NPHP4: variants seen among roughly 807,000 people sequenced by gnomAD.
NPHP4 encodes the protein nephrocystin-4.
Under a neutral mutation model 155.8 loss-of-function variants are expected in NPHP4, and 151 were observed. That is an observed-to-expected ratio of 0.97 (90% CI 0.85 to 1.11). The LOEUF (loss-of-function observed/expected upper bound fraction) is 1.11. Ranked by LOEUF, NPHP4 falls within the 50% of genes least tolerant of loss-of-function variation. The pLI is 0.00. For missense variants in NPHP4, 1,956 were observed against 1,925.7 expected (o/e 1.02, Z -0.29); for synonymous variants, 845 against 816.8 (o/e 1.03, Z -0.59).
At chr1:5,901,782 A>G (rs1420239117) in intron 16 of NPHP4, among the ~76,000 whole-genome samples, 1 of 152,214 alleles carries the variant, frequency 6.6e-6, no homozygotes, top group Non-Finnish European at 1.5e-5. Flanking sequence ...AGCAGTGGGT[A>G]CAGAGGAGCC....
At chr1:5,950,913 C>A (rs575426301) in intron 7 of NPHP4, among the ~76,000 whole-genome samples, 17 of 152,228 alleles carry the variant, frequency 1.1e-4, no homozygotes, top group Non-Finnish European at 1.8e-4. Flanking sequence ...TGCCCTCACA[C>A]GGACGACCAT....
chr1:5,949,901 G>A (rs754659989), intron 7 of NPHP4, among the ~76,000 whole-genome samples: 3 of 152,194 alleles, frequency 2.0e-5, no homozygotes, highest in South Asian at 2.1e-4. Flanking sequence ...AGGGGAAACC[G>A]GCAAAGACCA....
At position 5,867,807 on chromosome 1, in the gene NPHP4, G is replaced by A. The variant is rs538074223; in HGVS notation, c.3405C>T (p.Arg1135=). 8 of 1,613,270 alleles carry A rather than the reference G, an allele frequency of 5.0e-6. No homozygotes were observed. The East Asian group carries it at 1.8e-4, about 36-fold the overall frequency. The change falls in exon 24 of 30, where the codon CGC becomes CGT. Residue 1135 remains arginine, a synonymous_variant. Transcript: ENST00000378156. This position sits in a 1 kb window ranked among gnomAD's most constrained non-coding sequence, Gnocchi z 4.1. ...GGAAGGAGAGCTCCGGGTGATAGAA[G>A]CGGAAGACCTGGTCCACCACGTGGG... ...LQPHVVDQVF[R]FYHPELSFLK...
chr1:5,972,219 T>TA (rs1652697545), intron 3 of NPHP4, among the ~76,000 whole-genome samples: 1 of 152,256 alleles, frequency 6.6e-6, no homozygotes, highest in African/African-American at 2.4e-5. Flanking sequence ...ACTGTTTTAA[T>TA]AAGCCTTTAA....
At chr1:5,864,273 G>C (rs1186351532) in intron 28 of NPHP4, 65 bp downstream of exon 28, 17 of 1,455,956 alleles carry the variant, frequency 1.2e-5, no homozygotes, top group Non-Finnish European at 1.6e-5. Flanking sequence ...GCCGAGGTGG[G>C]GGTCCTGCAG....
In NPHP4 at chr1:5,922,086, G is replaced by T. The variant is rs1645769530; in HGVS notation, c.1441+5563C>A. Among the ~76,000 whole-genome samples, 2 of 152,264 alleles carry T rather than the reference G, an allele frequency of 1.3e-5. 1 individual carries two copies. Among genetic ancestry groups the T allele is most frequent in the Admixed American group, 1.3e-4 (2 of 15,292 alleles). Reference sequence around the variant, plus strand: ...ATAGTCTTTGTAAGTGAAAGGCAGGGAGGCAGGAGGGTCAGAGTTCAGTGA... The same window carrying T: ...ATAGTCTTTGTAAGTGAAAGGCAGGTAGGCAGGAGGGTCAGAGTTCAGTGA... On this transcript the variant is annotated intron_variant, in intron 11 of 29. Coordinates refer to ENST00000378156, the MANE Select transcript of NPHP4 (RefSeq NM_015102.5).
At position 5,890,149 on chromosome 1, in the gene NPHP4, C is replaced by T. The variant is rs965205534; in HGVS notation, c.2304+719G>A. On this transcript the variant is annotated intron_variant, in intron 17 of 29. Coordinates refer to ENST00000378156, the MANE Select transcript of NPHP4 (RefSeq NM_015102.5). This position sits in a 1 kb window ranked among gnomAD's most constrained non-coding sequence, Gnocchi z 4.9. ...GGAATCCAGGAGGAAAGCAGCTATGCGGCACTCAAGAAAAGTGGGGAAATC... is the reference window on the plus strand; with the variant it reads ...GGAATCCAGGAGGAAAGCAGCTATGTGGCACTCAAGAAAAGTGGGGAAATC... 6.6e-6 allele frequency among the ~76,000 whole-genome samples: 1 copy of T among 152,118 alleles called. No homozygotes were observed. Among genetic ancestry groups the T allele is most frequent in the African/African-American group, 2.4e-5 (1 of 41,414 alleles).
At chr1:5,893,996 A>T (rs1259671763) in intron 16 of NPHP4, among the ~76,000 whole-genome samples, 1 of 152,200 alleles carries the variant, frequency 6.6e-6, no homozygotes, top group African/African-American at 2.4e-5. Context: ...AGCGAGGATT[A>T]TTATAATATT....
chr1:5,914,843 G>T (rs1036928452), intron 11 of NPHP4, among the ~76,000 whole-genome samples: 1 of 152,144 alleles, frequency 6.6e-6, no homozygotes, highest in Non-Finnish European at 1.5e-5. Flanking sequence ...CTGGAAATGT[G>T]AACGGGGTCG....
intron 7 of NPHP4, among the ~76,000 whole-genome samples, chr1:5,951,641 G>T (rs1195192552): frequency 6.6e-6 from 1 of 152,192 alleles, no homozygotes; most frequent in Non-Finnish European, 1.5e-5. Flanking sequence ...GAAGAGCCAG[G>T]GCGGACAGAC....
At chr1:5,955,307 A>G (rs1273042259) in intron 6 of NPHP4, among the ~76,000 whole-genome samples, 7 of 152,266 alleles carry the variant, frequency 4.6e-5, no homozygotes, top group Non-Finnish European at 1.0e-4. Flanking sequence ...AACAGCCACT[A>G]TGGAAAACTA....
intron 10 of NPHP4, among the ~76,000 whole-genome samples, chr1:5,928,398 TC>T (rs1646120339): frequency 6.6e-6 from 1 of 152,268 alleles, no homozygotes; most frequent in African/African-American, 2.4e-5. Flanking sequence ...TCAAACTGTT[TC>T]TTTTTTTATT....
intron 19 of NPHP4, 101 bp from the exon 20 acceptor site, chr1:5,877,399 A>G (rs1267711557): frequency 2.3e-6 from 2 of 880,090 alleles, no homozygotes; most frequent in Non-Finnish European, 3.4e-6. Context: ...ATAGGGAGGG[A>G]GCTCAAGAGT....
At position 5,944,376 on chromosome 1, in the gene NPHP4, G is replaced by A. The variant is rs61614307; in HGVS notation, c.1119+2728C>T. Among the ~76,000 whole-genome samples the A allele has an allele frequency of 0.043, 6,542 of 152,326 alleles. 448 individuals carry two copies. Among genetic ancestry groups the A allele is most frequent in the African/African-American group, 0.15 (6,195 of 41,552 alleles). Reference sequence around the variant, plus strand: ...TGCAGACGGGGTGGCTGAGGTGGGAGGGCCCTGCCACAGCCCGCCCTGGGC... The same window carrying A: ...TGCAGACGGGGTGGCTGAGGTGGGAAGGCCCTGCCACAGCCCGCCCTGGGC... On this transcript the variant is annotated intron_variant, in intron 9 of 29. Transcript: ENST00000378156. The surrounding 1 kb of genome is among the most constrained non-coding windows in gnomAD (Gnocchi z 4.3).
intron 23 of NPHP4, 159 bp from the exon 24 acceptor site, chr1:5,868,055 G>A (rs1274627502): frequency 2.5e-6 from 2 of 814,808 alleles, no homozygotes; most frequent in Non-Finnish European, 4.2e-6. Context: ...GGCAGGGACT[G>A]AGTCTGCAGC....
chr1:5,978,415 T>TAGGAGACA lies in NPHP4; in HGVS notation c.136-10_136-3dup, dbSNP rs1216905623. The TAGGAGACA allele has an allele frequency of 6.2e-7, 1 of 1,600,086 alleles. No homozygotes were observed. Among genetic ancestry groups the TAGGAGACA allele is most frequent in the African/African-American group, 1.3e-5 (1 of 74,570 alleles). On this transcript the variant is annotated splice_region_variant and splice_polypyrimidine_tract_variant and intron_variant, in intron 2 of 29. Transcript: ENST00000378156. ...CTCTGACAGTACCTCCAGCACGCCC[T>TAGGAGACA]AGGAGACAACGGGGAATTGACCCTC... is the stretch of plus-strand genomic sequence containing the variant.
At chr1:5,920,120 T>TA (rs1162038921) in intron 11 of NPHP4, among the ~76,000 whole-genome samples, 1 of 152,106 alleles carries the variant, frequency 6.6e-6, no homozygotes, top group Non-Finnish European at 1.5e-5. Flanking sequence ...TTAGTAGAGA[T>TA]AGGGTTTCAC....
intron 10 of NPHP4, among the ~76,000 whole-genome samples, chr1:5,928,091 TG>T (rs1646102493): frequency 6.6e-6 from 1 of 152,186 alleles, no homozygotes; most frequent in Non-Finnish European, 1.5e-5. Context: ...ATTCTGGGTA[TG>T]GCTCTGTGGG....
chr1:5,863,989 G>T lies in NPHP4; in HGVS notation c.4041C>A (p.Asn1347Lys), dbSNP rs1468858756. The change falls in exon 29 of 30, where the codon AAC (asparagine) becomes AAA (lysine). Residue 1347 changes from asparagine to lysine, a missense_variant. Coordinates refer to ENST00000378156, the MANE Select transcript of NPHP4 (RefSeq NM_015102.5). Reference sequence around the variant, plus strand: ...AGGGGTTGGTGTAGGTGATCCTCTTGTTGACACCCTTCCCTTCGCCCGCAG... The same window carrying T: ...AGGGGTTGGTGTAGGTGATCCTCTTTTTGACACCCTTCCCTTCGCCCGCAG... ...MLAAGEGKGV[N>K]KRITYTNPYP... 2.5e-6 allele frequency: 4 copies of T among 1,613,676 alleles called. No homozygotes were observed. Among genetic ancestry groups the T allele is most frequent in the Non-Finnish European group, 3.4e-6 (4 of 1,179,778 alleles).
Sources: allele counts gnomAD v4.1 joint callset (sites outside exome capture counted in the v4.1 genomes callset), GRCh38; gene constraint gnomAD v4.1.1; non-coding constraint Gnocchi (gnomAD v3.1); transcripts MANE v1.5; gene names NCBI Gene and HGNC (gene_info 2026-07-23, HGNC 2026-07-21).